The following TMEM178B variants were observed in gnomAD, a reference collection of about 807,000 sequenced individuals.
The protein encoded by TMEM178B is transmembrane protein 178B.
In TMEM178B, 5 loss-of-function variants were observed where a neutral mutation model predicts 31.0. The ratio of observed to expected loss-of-function variants is 0.16; its 90% CI spans 0.08 to 0.34. The LOEUF is 0.34. Ranked by LOEUF, TMEM178B falls within the 10% of genes least tolerant of loss-of-function variation. The pLI, the probability that TMEM178B is intolerant of heterozygous loss-of-function variation, is 1.00. For synonymous variants in TMEM178B, 164 were observed against 164.0 expected, an observed-to-expected ratio of 1.00 and a Z score of 0.00; for missense variants, 275 against 400.3, an observed-to-expected ratio of 0.69 and a Z score of 2.67.
At position 141,212,609 on chromosome 7, in the gene TMEM178B, C is replaced by T. The variant is rs543154300; in HGVS notation, c.401C>T (p.Thr134Met). The change falls in exon 2 of 4, where the codon ACG (threonine) becomes ATG (methionine). Residue 134 changes from threonine to methionine, a missense_variant. Coordinates refer to ENST00000565468, the MANE Select transcript of TMEM178B (RefSeq NM_001195278.2). Reference sequence around the variant, plus strand: ...TTTCTAGGAGAAATTGAGCGATGTACGTACATCAAATACCACTACTCCTCA... The same window carrying T: ...TTTCTAGGAGAAATTGAGCGATGTATGTACATCAAATACCACTACTCCTCA... Reference protein sequence around the residue: ...LIRKGEIERCTYIKYHYSSAT... With the variant: ...LIRKGEIERCMYIKYHYSSAT... 1.0e-3 allele frequency: 1,599 copies of T among 1,536,026 alleles called. 33 individuals are homozygous for T. In the South Asian group the frequency reaches 0.018, roughly 17 times the overall value.
chr7:141,255,782 T>C (rs1797917726), intron 2 of TMEM178B, among the ~76,000 whole-genome samples: 2 of 152,144 alleles, frequency 1.3e-5, no homozygotes, highest in Admixed American at 6.5e-5. Flanking sequence ...CTCAAACTCT[T>C]GGGCTCCAGC....
intron 2 of TMEM178B, among the ~76,000 whole-genome samples, chr7:141,369,329 G>A (rs1365945246): frequency 4.7e-5 from 7 of 149,958 alleles, no homozygotes; most frequent in Admixed American, 3.3e-4. Flanking sequence ...GTGTGTGTGT[G>A]TGTGTGTGTG....
In TMEM178B at chr7:141,099,495, C is replaced by T. The variant is rs555416533; in HGVS notation, c.382+24803C>T. 7.9e-5 allele frequency among the ~76,000 whole-genome samples: 12 copies of T among 152,290 alleles called. No individual in the cohort carries two copies. In the South Asian group the frequency reaches 2.3e-3, roughly 29 times the overall value. On this transcript the variant is annotated intron_variant, in intron 1 of 3. Coordinates refer to ENST00000565468, the MANE Select transcript of TMEM178B (RefSeq NM_001195278.2). ...GAATTGTCAATGTGCTGAATGGACTCATATGTAGCCAGCAATGTATTGTTA... is the reference window on the plus strand; with the variant it reads ...GAATTGTCAATGTGCTGAATGGACTTATATGTAGCCAGCAATGTATTGTTA...
intron 1 of TMEM178B, among the ~76,000 whole-genome samples, chr7:141,182,669 T>G (rs1796549508): frequency 6.6e-6 from 1 of 151,962 alleles, no homozygotes; most frequent in African/African-American, 2.4e-5. Flanking sequence ...ACTGTAGTAA[T>G]CCCCACTGTC....
At chr7:141,267,075 G>A (rs1236125338) in intron 2 of TMEM178B, among the ~76,000 whole-genome samples, 1 of 152,216 alleles carries the variant, frequency 6.6e-6, no homozygotes, top group Non-Finnish European at 1.5e-5. Flanking sequence ...GAAGAGGTGA[G>A]TATGGAGCAG....
chr7:141,457,784 C>A (rs1055127049), intron 3 of TMEM178B, among the ~76,000 whole-genome samples: 2 of 152,162 alleles, frequency 1.3e-5, no homozygotes, highest in Admixed American at 6.5e-5. Context: ...GTGCAAACAT[C>A]CATCAGTGTG....
At chr7:141,173,860 G>C (rs1796385103) in intron 1 of TMEM178B, among the ~76,000 whole-genome samples, 1 of 152,190 alleles carries the variant, frequency 6.6e-6, no homozygotes, top group African/African-American at 2.4e-5. Flanking sequence ...ATAGGGGCCA[G>C]CATTGTGTTT....
chr7:141,493,596 A>AT, the TMEM178B span, among the ~76,000 whole-genome samples: 6 of 152,156 alleles, frequency 3.9e-5, no homozygotes, highest in East Asian at 3.9e-4. Flanking sequence ...ACTGCAGGTA[A>AT]TTTTTTTGTT....
intron 2 of TMEM178B, among the ~76,000 whole-genome samples, chr7:141,291,343 A>G (rs217020): frequency 0.12 from 18,191 of 152,148 alleles, 1,531 homozygotes; most frequent in African/African-American, 0.23. Context: ...TCTTATAAGA[A>G]GCAGCTGAAA....
At chr7:141,330,790 T>C (rs1415823425) in intron 2 of TMEM178B, among the ~76,000 whole-genome samples, 1 of 152,214 alleles carries the variant, frequency 6.6e-6, no homozygotes, top group African/African-American at 2.4e-5. Context: ...GTTGAACATA[T>C]ATGTTTCGCT....
chr7:141,099,290 A>G (rs1795014256), intron 1 of TMEM178B, among the ~76,000 whole-genome samples: 2 of 152,224 alleles, frequency 1.3e-5, no homozygotes, highest in Non-Finnish European at 1.5e-5. Flanking sequence ...TGCTACAGAT[A>G]TGGAGACTAA....
chr7:141,493,757 A>G, the TMEM178B span, among the ~76,000 whole-genome samples: 28 of 152,260 alleles, frequency 1.8e-4, no homozygotes, highest in Admixed American at 3.3e-4. Flanking sequence ...GTCAATGCAT[A>G]TCTTCATTTG....
chr7:141,209,391 A>T (rs1030915053), intron 1 of TMEM178B, among the ~76,000 whole-genome samples: 2 of 152,268 alleles, frequency 1.3e-5, no homozygotes, highest in African/African-American at 2.4e-5. Flanking sequence ...GAGTTCTGCA[A>T]CAATCGCCTC....
At chr7:141,243,139 G>A (rs1457279888) in intron 2 of TMEM178B, among the ~76,000 whole-genome samples, 1 of 152,028 alleles carries the variant, frequency 6.6e-6, no homozygotes, top group African/African-American at 2.4e-5. Context: ...AACAACCAAA[G>A]TCATGTGACC....
chr7:141,360,122 A>C (rs1435041102), intron 2 of TMEM178B, among the ~76,000 whole-genome samples: 1 of 152,194 alleles, frequency 6.6e-6, no homozygotes, highest in Non-Finnish European at 1.5e-5. Flanking sequence ...CCCCACTCTG[A>C]CAACTGACTT....
At chr7:141,341,062 A>AC (rs1799507957) in intron 2 of TMEM178B, among the ~76,000 whole-genome samples, 1 of 152,334 alleles carries the variant, frequency 6.6e-6, no homozygotes, top group South Asian at 2.1e-4. Context: ...GCACCTTCAC[A>AC]ACAAATCCAC....
Position 141,344,657 on chromosome 7 carries a change from C to G in TMEM178B, c.497-92951C>G, listed in dbSNP as rs1586904397. On this transcript the variant is annotated intron_variant, in intron 2 of 3. Coordinates refer to ENST00000565468, the MANE Select transcript of TMEM178B (RefSeq NM_001195278.2). The surrounding 1 kb of genome is among the most constrained non-coding windows in gnomAD (Gnocchi z 4.1). ...CTTCCTTCTTCCCTTCATCAAAAGA[C>G]CTCTCAGAGGGAGGAACAAAGTATA... 6.9e-6 allele frequency among the ~76,000 whole-genome samples: 1 copy of G among 145,074 alleles called. No homozygotes were observed. Among genetic ancestry groups the G allele is most frequent in the Non-Finnish European group, 1.5e-5 (1 of 66,552 alleles).
chr7:141,282,971 C>A (rs553816352), intron 2 of TMEM178B, among the ~76,000 whole-genome samples: 1 of 152,332 alleles, frequency 6.6e-6, no homozygotes, highest in South Asian at 2.1e-4. Context: ...TGCAAACTAT[C>A]TCATCTATTA....
intron 1 of TMEM178B, among the ~76,000 whole-genome samples, chr7:141,206,943 C>G (rs1269328172): frequency 6.6e-6 from 1 of 152,176 alleles, no homozygotes; most frequent in African/African-American, 2.4e-5. Context: ...CCCCATTTCT[C>G]CCACTCTCCA....
Sources: gnomAD v4.1 joint callset for allele counts (sites outside exome capture counted in the v4.1 genomes callset) on GRCh38, gnomAD v4.1.1 for gene constraint, Gnocchi (gnomAD v3.1) non-coding constraint, MANE v1.5 for transcripts, NCBI Gene and HGNC (gene_info 2026-07-23, HGNC 2026-07-21) for gene names.